The following KIAA1671 variants were observed in gnomAD, a reference collection of about 807,000 sequenced individuals.
The protein encoded by KIAA1671 is KIAA1671, also known as uncharacterized protein KIAA1671.
Under a neutral mutation model 131.2 loss-of-function variants are expected in KIAA1671, and 52 were observed. That is an observed-to-expected ratio of 0.40 (90% confidence interval 0.32 to 0.50). The LOEUF (loss-of-function observed/expected upper bound fraction) is 0.50, where lower values mean the gene tolerates loss of function less well. Among genes scored for constraint, KIAA1671 ranks in the 20% least tolerant of loss-of-function variants. The probability of loss-of-function intolerance (pLI) is 0.73; values close to 1 mark genes in which losing one functional copy is unlikely to be tolerated. For synonymous variants in KIAA1671, 1,003 were observed against 961.6 expected, an observed-to-expected ratio of 1.04 and a Z score of -0.80; for missense variants, 2,360 against 2,364.2, an observed-to-expected ratio of 1.00 and a Z score of 0.04.
intron 6 of KIAA1671, among the ~76,000 whole-genome samples, chr22:25,169,223 C>T (rs1318438192): frequency 6.6e-6 from 1 of 151,866 alleles, no homozygotes; most frequent in African/African-American, 2.4e-5. Context: ...TTAAGACCAG[C>T]CTGGGCAACA....
intron 6 of KIAA1671, among the ~76,000 whole-genome samples, chr22:25,100,908 A>C (rs1930628657): frequency 6.6e-6 from 1 of 152,176 alleles, no homozygotes; most frequent in Admixed American, 6.5e-5. Context: ...TCAATCTTTT[A>C]TGATACTCAT....
intron 6 of KIAA1671, among the ~76,000 whole-genome samples, chr22:25,156,965 C>G (rs1213885017): frequency 1.3e-5 from 2 of 152,154 alleles, no homozygotes; most frequent in Non-Finnish European, 2.9e-5. Context: ...TGTCACCTGA[C>G]AAGTTGAGCC....
chr22:25,159,205 C>T (rs935214524), intron 6 of KIAA1671, among the ~76,000 whole-genome samples: 33 of 152,328 alleles, frequency 2.2e-4, no homozygotes, highest in African/African-American at 7.0e-4. Flanking sequence ...AAACCAAATA[C>T]GCCTCCTGCA....
At chr22:25,073,214 C>T (rs921679673) in intron 6 of KIAA1671, among the ~76,000 whole-genome samples, 9 of 151,696 alleles carry the variant, frequency 5.9e-5, no homozygotes, top group Admixed American at 4.6e-4. Context: ...ACTACAGGTG[C>T]GTGCCATCAT....
At chr22:25,068,598 G>A (rs5996828) in intron 6 of KIAA1671, among the ~76,000 whole-genome samples, 27,871 of 152,102 alleles carry the variant, frequency 0.18, 3,681 homozygotes, top group African/African-American at 0.38. Context: ...CTCCGCGGCC[G>A]GCTAATTTTT....
chr22:25,147,644 G>A (rs1390752091), intron 6 of KIAA1671, among the ~76,000 whole-genome samples: 1 of 152,086 alleles, frequency 6.6e-6, no homozygotes, highest in Non-Finnish European at 1.5e-5. Flanking sequence ...TCCCCTGACA[G>A]CCAGCCCTAT....
At chr22:25,109,708 A>G (rs1931232909) in intron 6 of KIAA1671, among the ~76,000 whole-genome samples, 1 of 152,206 alleles carries the variant, frequency 6.6e-6, no homozygotes, top group South Asian at 2.1e-4. Flanking sequence ...ACCTCTTGAT[A>G]AATATTAGCC....
Position 24,998,008 on chromosome 22 carries a change from C to T in KIAA1671, c.-207-27625C>T, listed in dbSNP as rs572597430. 6.9e-4 allele frequency among the ~76,000 whole-genome samples: 105 copies of T among 152,272 alleles called. 1 individual carries two copies. The highest frequency in any genetic ancestry group is 2.0e-3 in the African/African-American group (81 of 41,538). On this transcript the variant is annotated intron_variant, in intron 1 of 12. Coordinates refer to ENST00000358431, the MANE Select transcript of KIAA1671 (RefSeq NM_001145206.2). ...TTGTTTTGCAAACCTTAATGCCTGT[C>T]GTATTTATCCATGTTTTCTTCTTGT...
intron 6 of KIAA1671, among the ~76,000 whole-genome samples, chr22:25,140,077 G>A (rs1169688690): frequency 6.6e-6 from 1 of 152,238 alleles, no homozygotes; most frequent in African/African-American, 2.4e-5. Context: ...GCCCAGTTGA[G>A]GGGTCCTCTG....
chr22:25,156,622 A>G (rs369111514), intron 6 of KIAA1671, among the ~76,000 whole-genome samples: 8 of 151,906 alleles, frequency 5.3e-5, no homozygotes, highest in African/African-American at 1.9e-4. Flanking sequence ...TGTTTTGTGT[A>G]TATGTGTTTG....
intron 1 of KIAA1671, among the ~76,000 whole-genome samples, chr22:24,985,395 A>G (rs6004382): frequency 0.12 from 18,405 of 150,476 alleles, 1,395 homozygotes; most frequent in East Asian, 0.43. Context: ...GCTGGAGTGC[A>G]GTGGTGCGAT....
In KIAA1671 at chr22:25,174,443, C is replaced by T. The variant is rs1021284505; in HGVS notation, c.4853C>T (p.Pro1618Leu). The T allele has an allele frequency of 4.1e-5, 64 of 1,546,140 alleles. No homozygotes were observed. Among genetic ancestry groups the T allele is most frequent in the Non-Finnish European group, 4.8e-5 (55 of 1,142,720 alleles). ...STDGMEGPPPPDACPEKRVDD... is the reference protein window; with the variant it reads ...STDGMEGPPPLDACPEKRVDD... ...GATGGGATGGAGGGGCCGCCTCCACCGGACGCCTGCCCTGAAAAGAGAGTA... is the reference window on the plus strand; with the variant it reads ...GATGGGATGGAGGGGCCGCCTCCACTGGACGCCTGCCCTGAAAAGAGAGTA... The change falls in exon 8 of 13, where the codon CCG becomes CTG. Residue 1618 changes from proline to leucine, a missense_variant. Pro to Leu is a moderately conservative substitution (Grantham distance 98, BLOSUM62 -3). Around this residue, in one of 3 missense-constraint regions of KIAA1671, gnomAD observed 1,161 missense variants for 1,204.7 expected, o/e 0.96. Transcript: ENST00000358431.
chr22:25,084,478 G>C (rs761356259), intron 6 of KIAA1671, among the ~76,000 whole-genome samples: 4 of 107,128 alleles, frequency 3.7e-5, no homozygotes, highest in Non-Finnish European at 7.9e-5. Flanking sequence ...AAAAAAAATT[G>C]ACAATGTATA....
At chr22:25,162,345 G>A (rs1033649524) in intron 6 of KIAA1671, among the ~76,000 whole-genome samples, 1 of 152,220 alleles carries the variant, frequency 6.6e-6, no homozygotes, top group African/African-American at 2.4e-5. Flanking sequence ...CTGCACAGCT[G>A]GGGGTATAGA....
rs958095609 is a variant in KIAA1671, at chr22:25,039,829, G to A, written c.2699G>A (p.Arg900Gln). Reference protein sequence around the residue: ...ATNGPSDSQARTHPDAFAVQK... With the variant: ...ATNGPSDSQAQTHPDAFAVQK... ...AATGGGCCTTCTGACTCCCAAGCAC[G>A]AACACATCCAGATGCATTTGCTGTG... The change falls in exon 5 of 13, where the codon CGA (arginine) becomes CAA (glutamine). Residue 900 changes from arginine to glutamine, a missense_variant. This residue lies in a region of KIAA1671 where 1,161 missense variants were observed against 1,204.7 expected (regional missense o/e 0.96). Coordinates refer to ENST00000358431, the MANE Select transcript of KIAA1671 (RefSeq NM_001145206.2). The A allele has an allele frequency of 1.0e-5, 16 of 1,540,508 alleles. No homozygotes were observed. Among genetic ancestry groups the A allele is most frequent in the African/African-American group, 9.6e-5 (7 of 72,770 alleles).
intron 6 of KIAA1671, among the ~76,000 whole-genome samples, chr22:25,152,122 G>C (rs1276378297): frequency 6.6e-6 from 1 of 152,146 alleles, no homozygotes; most frequent in African/African-American, 2.4e-5. Flanking sequence ...TATTTTTCAG[G>C]TTACGCCCAC....
intron 6 of KIAA1671, among the ~76,000 whole-genome samples, chr22:25,164,989 G>A (rs1933596416): frequency 7.7e-6 from 1 of 129,642 alleles, no homozygotes; most frequent in African/African-American, 4.3e-5. Context: ...GTGTGTGTGT[G>A]TGTGTGTGTG....
At chr22:25,159,981 G>A (rs6004456) in intron 6 of KIAA1671, among the ~76,000 whole-genome samples, 40,261 of 152,104 alleles carry the variant, frequency 0.26, 5,428 homozygotes, top group South Asian at 0.36. Flanking sequence ...TGGGTGCACC[G>A]CCAACACTGT....
chr22:25,167,820 A>G (rs187364628), intron 6 of KIAA1671, among the ~76,000 whole-genome samples: 3 of 152,348 alleles, frequency 2.0e-5, no homozygotes, highest in African/African-American at 7.2e-5. Flanking sequence ...ATCATGGGGT[A>G]CATGAGTATC....
Sources: gnomAD v4.1 joint callset for allele counts (sites outside exome capture counted in the v4.1 genomes callset) on GRCh38, gnomAD v4.1.1 for gene constraint, gnomAD v4.1.1 regional missense constraint, MANE v1.5 for transcripts, NCBI Gene and HGNC (gene_info 2026-07-23, HGNC 2026-07-21) for gene names.